The following EDAR variants were observed in gnomAD, a reference collection of about 807,000 sequenced individuals.
The protein encoded by EDAR is tumor necrosis factor receptor superfamily member EDAR.
In EDAR, 38 loss-of-function variants were observed where a neutral mutation model predicts 51.3. That is an observed-to-expected ratio of 0.74 (90% CI 0.57 to 0.97). EDAR has a LOEUF of 0.97. Among genes scored for constraint, EDAR ranks in the 50% least tolerant of loss-of-function variants. The probability of loss-of-function intolerance (pLI) is 0.00; values close to 1 mark genes in which losing one functional copy is unlikely to be tolerated. For missense variants in EDAR, 528 were observed against 595.0 expected, an observed-to-expected ratio of 0.89 and a Z score of 1.17; for synonymous variants, 227 against 242.1, an observed-to-expected ratio of 0.94 and a Z score of 0.58.
intron 1 of EDAR, among the ~76,000 whole-genome samples, chr2:108,964,274 T>C (rs898409204): frequency 6.6e-6 from 1 of 152,124 alleles, no homozygotes; most frequent in African/African-American, 2.4e-5. Context: ...AGGACTTTTC[T>C]GAGGTCCACC....
chr2:108,922,558 C>T (rs989284020), intron 5 of EDAR, among the ~76,000 whole-genome samples: 1 of 152,152 alleles, frequency 6.6e-6, no homozygotes, highest in African/African-American at 2.4e-5. Context: ...CGTGATAAGA[C>T]GCAGGCTCTC....
intron 1 of EDAR, among the ~76,000 whole-genome samples, chr2:108,939,602 C>G (rs1177309660): frequency 6.6e-6 from 1 of 151,110 alleles, no homozygotes; most frequent in Non-Finnish European, 1.5e-5. Context: ...AGGAGGAGAA[C>G]ATGTCCCGTT....
chr2:108,908,341 C>G (rs1272047390), intron 9 of EDAR, among the ~76,000 whole-genome samples: 1 of 152,152 alleles, frequency 6.6e-6, no homozygotes, highest in Non-Finnish European at 1.5e-5. Flanking sequence ...AATGGATGCT[C>G]CGTGAAGGTT....
chr2:108,972,807 C>T (rs1357256751), intron 1 of EDAR, among the ~76,000 whole-genome samples: 2 of 152,152 alleles, frequency 1.3e-5, no homozygotes, highest in African/African-American at 2.4e-5. Context: ...CCGGCAGGGG[C>T]GTTCACTCTT....
chr2:108,979,482 C>T (rs1317450947), intron 1 of EDAR, among the ~76,000 whole-genome samples: 1 of 151,930 alleles, frequency 6.6e-6, no homozygotes, highest in Non-Finnish European at 1.5e-5. Context: ...CACACACACA[C>T]ACACACACAC....
At chr2:108,947,792 G>A (rs1697742496) in intron 1 of EDAR, among the ~76,000 whole-genome samples, 1 of 152,188 alleles carries the variant, frequency 6.6e-6, no homozygotes, top group Non-Finnish European at 1.5e-5. Context: ...GGAGAGGCTG[G>A]TGTGAAGATC....
chr2:108,971,819 GATTTTAGTGACTCGTTTCTAGC>G (rs1698239402), intron 1 of EDAR, among the ~76,000 whole-genome samples: 1 of 152,200 alleles, frequency 6.6e-6, no homozygotes, highest in Non-Finnish European at 1.5e-5. Context: ...GAACGGGCTG[GATTTTAGTGACTCGTTTCTAGC>G]CAACAGAAAA....
chr2:108,900,926 GAT>G (rs1696686637), intron 11 of EDAR, among the ~76,000 whole-genome samples: 1 of 151,822 alleles, frequency 6.6e-6, no homozygotes, highest in Non-Finnish European at 1.5e-5. Context: ...TGAAAGAAGA[GAT>G]AAGTCCACAA....
intron 1 of EDAR, among the ~76,000 whole-genome samples, chr2:108,932,840 G>A (rs181959083): frequency 2.6e-5 from 4 of 152,278 alleles, no homozygotes; most frequent in East Asian, 3.9e-4. Flanking sequence ...CTTCCCATCC[G>A]AGGCAGACAA....
intron 5 of EDAR, among the ~76,000 whole-genome samples, chr2:108,921,000 T>TA (rs1574379441): frequency 6.6e-6 from 1 of 152,088 alleles, no homozygotes; most frequent in Non-Finnish European, 1.5e-5. Flanking sequence ...CCAAACTTGT[T>TA]AAAAATGTAC....
intron 1 of EDAR, among the ~76,000 whole-genome samples, chr2:108,942,960 C>A (rs1446829420): frequency 6.6e-6 from 1 of 152,224 alleles, no homozygotes; most frequent in East Asian, 1.9e-4. Context: ...CCTTCCCGGC[C>A]CCTTCGCTGA....
intron 4 of EDAR, among the ~76,000 whole-genome samples, chr2:108,924,367 C>A (rs1191171914): frequency 3.3e-5 from 5 of 152,228 alleles, no homozygotes; most frequent in Non-Finnish European, 2.9e-5. Flanking sequence ...CTTCCCTCTG[C>A]AGGCTCTAGC....
chr2:108,963,270 TCACG>T (rs1295065148), intron 1 of EDAR, among the ~76,000 whole-genome samples: 1 of 152,170 alleles, frequency 6.6e-6, no homozygotes, highest in Non-Finnish European at 1.5e-5. Flanking sequence ...GCAAAAATGA[TCACG>T]CACTACACAC....
At chr2:108,940,551 C>T (rs760036631) in intron 1 of EDAR, among the ~76,000 whole-genome samples, 5 of 152,240 alleles carry the variant, frequency 3.3e-5, no homozygotes, top group East Asian at 3.8e-4. Context: ...AGCCCCAGAT[C>T]GGGCGGAGGT....
intron 5 of EDAR, among the ~76,000 whole-genome samples, chr2:108,913,176 C>T (rs1188084770): frequency 6.6e-6 from 1 of 151,868 alleles, no homozygotes; most frequent in Admixed American, 6.5e-5. Context: ...GGCTCGATCT[C>T]CTGACCTTGT....
At chr2:108,904,283 T>A (rs1215144651) in intron 11 of EDAR, among the ~76,000 whole-genome samples, 1 of 152,078 alleles carries the variant, frequency 6.6e-6, no homozygotes, top group East Asian at 1.9e-4. Flanking sequence ...CTTCTCAGAA[T>A]AGCTAAAACA....
intron 5 of EDAR, among the ~76,000 whole-genome samples, chr2:108,917,489 T>C (rs1345759625): frequency 1.3e-5 from 2 of 152,216 alleles, no homozygotes; most frequent in African/African-American, 4.8e-5. Flanking sequence ...CATGACACTT[T>C]GTATACATGT....
rs990971065 is a variant in EDAR at position 108,952,913 on chromosome 2, T to C, written c.-18-21881A>G. Among the ~76,000 whole-genome samples, 8 of 152,210 alleles carry C rather than the reference T, an allele frequency of 5.3e-5. 1 individual carries two copies. Among genetic ancestry groups the C allele is most frequent in the African/African-American group, 1.9e-4 (8 of 41,452 alleles). On this transcript the variant is annotated intron_variant, in intron 1 of 11. Transcript: ENST00000258443. ...TGACTTTTTTCTTTATTAGGGTTGG[T>C]CTATTTATGTTTCTGCTTTTAGTTC... is the stretch of plus-strand genomic sequence containing the variant.
intron 9 of EDAR, among the ~76,000 whole-genome samples, chr2:108,908,439 A>T (rs260634): frequency 6.6e-6 from 1 of 152,152 alleles, no homozygotes; most frequent in Non-Finnish European, 1.5e-5. Flanking sequence ...AGATTGATGC[A>T]GCTGGCGCTG....
Sources: gnomAD v4.1 joint callset for allele counts (sites outside exome capture counted in the v4.1 genomes callset) on GRCh38, gnomAD v4.1.1 for gene constraint, MANE v1.5 for transcripts, NCBI Gene and HGNC (gene_info 2026-07-23, HGNC 2026-07-21) for gene names.